SEL1L3: variants seen among roughly 807,000 people sequenced by gnomAD.
SEL1L3 encodes the protein protein sel-1 homolog 3.
SEL1L3 carries 76 observed loss-of-function variants against 142.8 expected under a neutral mutation model. The ratio of observed to expected loss-of-function variants is 0.53; its 90% CI spans 0.44 to 0.64. SEL1L3 has a LOEUF of 0.64. Among genes scored for constraint, SEL1L3 ranks in the 30% least tolerant of loss-of-function variants. The pLI, the probability that SEL1L3 is intolerant of heterozygous loss-of-function variation, is 0.00. For synonymous variants in SEL1L3, 504 were observed against 519.6 expected (o/e 0.97, Z 0.41); for missense variants, 1,262 against 1,381.7 (o/e 0.91, Z 1.37).
upstream of SEL1L3, chr4:25,863,542 C>T (rs1237292944): frequency 1.4e-6 from 1 of 702,546 alleles, no homozygotes; most frequent in African/African-American, 1.7e-5. Context: ...AGTGTGCCCC[C>T]TGGAGTTGTG....
chr4:25,848,103 T>C (rs764966262), intron 1 of SEL1L3, among the ~76,000 whole-genome samples: 5 of 152,250 alleles, frequency 3.3e-5, no homozygotes, highest in African/African-American at 4.8e-5. Context: ...TAACATCTGC[T>C]GATCAGAATG....
chr4:25,791,911 T>TA (rs55799752), intron 11 of SEL1L3, among the ~76,000 whole-genome samples: 91 of 134,480 alleles, frequency 6.8e-4, no homozygotes, highest in East Asian at 8.6e-4. Flanking sequence ...AGACTCAGTC[T>TA]AAAAAAAAAA....
intron 6 of SEL1L3, among the ~76,000 whole-genome samples, chr4:25,825,864 G>A (rs1264463572): frequency 6.6e-6 from 1 of 151,382 alleles, no homozygotes; most frequent in Non-Finnish European, 1.5e-5. Flanking sequence ...TAGTAGAGAT[G>A]GGGTTTCACC....
intron 1 of SEL1L3, among the ~76,000 whole-genome samples, chr4:25,849,613 T>G (rs1716754655): frequency 6.6e-6 from 1 of 152,174 alleles, no homozygotes; most frequent in Admixed American, 6.5e-5. Flanking sequence ...TGGTGCTGGT[T>G]GCAAAACAGT....
the SEL1L3 span, among the ~76,000 whole-genome samples, chr4:25,739,048 A>T: frequency 1.3e-5 from 2 of 152,128 alleles, no homozygotes; most frequent in Admixed American, 1.3e-4. Context: ...TACTAAAAAA[A>T]AAATAAAAAA....
intron 23 of SEL1L3, 121 bp from the exon 24 acceptor site, chr4:25,748,685 T>A: frequency 1.0e-6 from 1 of 995,592 alleles, no homozygotes; most frequent in Non-Finnish European, 1.4e-6. Context: ...AACCTGACAC[T>A]AACTAGCCAG....
chr4:25,742,413 T>A, the SEL1L3 span, among the ~76,000 whole-genome samples: 1 of 152,178 alleles, frequency 6.6e-6, no homozygotes, highest in African/African-American at 2.4e-5. Flanking sequence ...CTCCACCTCC[T>A]GCACTCAAGC....
Position 25,833,002 on chromosome 4 carries a change from C to T in SEL1L3, c.1091G>A (p.Gly364Glu), listed in dbSNP as rs146027878. The T allele has an allele frequency of 2.6e-3, 4,151 of 1,586,462 alleles. 6 individuals are homozygous for T. Among genetic ancestry groups the T allele is most frequent in the Non-Finnish European group, 3.2e-3 (3,713 of 1,155,000 alleles). ...EWFRLDISFN[G>E]GQIVVTTSIG... Reference sequence around the variant, plus strand: ...AAGCGTGCATACAGATACCTGGCCTCCGTTAAAAGAGATATCCAGTCGAAA... The same window carrying T: ...AAGCGTGCATACAGATACCTGGCCTTCGTTAAAAGAGATATCCAGTCGAAA... The change falls in exon 5 of 24, where the codon GGA becomes GAA. Residue 364 changes from glycine to glutamate, a missense_variant. Coordinates refer to ENST00000399878, the MANE Select transcript of SEL1L3 (RefSeq NM_015187.5).
chr4:25,846,014 G>A (rs1716481450), intron 2 of SEL1L3, among the ~76,000 whole-genome samples: 1 of 152,084 alleles, frequency 6.6e-6, no homozygotes, highest in South Asian at 2.1e-4. Context: ...GAAGGACTGG[G>A]CCTAGGAATT....
the SEL1L3 span, among the ~76,000 whole-genome samples, chr4:25,724,517 G>A: frequency 1.3e-5 from 2 of 151,692 alleles, no homozygotes; most frequent in Admixed American, 6.6e-5. Flanking sequence ...CGAGGCAGGC[G>A]GATCACGAGG....
At chr4:25,719,296 T>G in the SEL1L3 span, 1 of 152,140 alleles carries the variant, frequency 6.6e-6, no homozygotes, top group African/African-American at 2.4e-5. Context: ...ATGTGTAAAA[T>G]AAGAAGTATG....
chr4:25,746,719 T>C (rs1222056019), downstream of SEL1L3, among the ~76,000 whole-genome samples: 1 of 151,776 alleles, frequency 6.6e-6, no homozygotes, highest in Non-Finnish European at 1.5e-5. Flanking sequence ...TCTGCCATGA[T>C]TGAAAGTTTC....
At chr4:25,821,296 G>A (rs1440235910) in intron 7 of SEL1L3, among the ~76,000 whole-genome samples, 13 of 152,200 alleles carry the variant, frequency 8.5e-5, no homozygotes, top group Admixed American at 8.5e-4. Flanking sequence ...AAACCCCACA[G>A]GGTGAAGGGA....
chr4:25,746,887 G>A (rs1042655458), downstream of SEL1L3, among the ~76,000 whole-genome samples: 3 of 151,884 alleles, frequency 2.0e-5, no homozygotes, highest in African/African-American at 7.3e-5. Flanking sequence ...ACTCTATCCT[G>A]TAGGCTTTAC....
chr4:25,805,357 C>T (rs1713482182), intron 9 of SEL1L3, among the ~76,000 whole-genome samples: 1 of 151,990 alleles, frequency 6.6e-6, no homozygotes, highest in Non-Finnish European at 1.5e-5. Context: ...TTTCAGCATC[C>T]CCATTTTTTA....
chr4:25,815,119 G>A, intron 9 of SEL1L3, among the ~76,000 whole-genome samples: 1 of 152,236 alleles, frequency 6.6e-6, no homozygotes, highest in East Asian at 1.9e-4. Flanking sequence ...ATGTGCCTCT[G>A]GAAGCAGAGG....
chr4:25,719,867 G>T, the SEL1L3 span: 1 of 152,016 alleles, frequency 6.6e-6, no homozygotes, highest in Non-Finnish European at 1.5e-5. Flanking sequence ...TATTATGGAT[G>T]CTAGAGCGAA....
At chr4:25,853,758 G>A (rs1229880734) in intron 1 of SEL1L3, among the ~76,000 whole-genome samples, 2 of 130,320 alleles carry the variant, frequency 1.5e-5, no homozygotes, top group Admixed American at 9.2e-5. Flanking sequence ...TGCAACCTCC[G>A]CCTCCCGGGT....
At chr4:25,774,061 T>C (rs1375689236) in intron 17 of SEL1L3, among the ~76,000 whole-genome samples, 1 of 152,244 alleles carries the variant, frequency 6.6e-6, no homozygotes, top group African/African-American at 2.4e-5. Flanking sequence ...TTCCAAACAC[T>C]TTCCAGGCAC....
Sources: allele counts gnomAD v4.1 joint callset (sites outside exome capture counted in the v4.1 genomes callset), GRCh38; gene constraint gnomAD v4.1.1; transcripts MANE v1.5; gene names NCBI Gene and HGNC (gene_info 2026-07-23, HGNC 2026-07-21).